The following ITCH variants were observed in gnomAD, a reference collection of about 807,000 sequenced individuals.
The protein encoded by ITCH is itchy E3 ubiquitin protein ligase, also known as E3 ubiquitin-protein ligase Itchy homolog.
Under a neutral mutation model 126.8 loss-of-function variants are expected in ITCH, and 28 were observed. The observed-to-expected ratio is 0.22, with a 90% CI of 0.16 to 0.30. ITCH has a LOEUF of 0.30. ITCH is among the 10% of genes least tolerant of loss of function. The pLI is 1.00. For missense variants in ITCH, 631 were observed against 1,032.4 expected, an observed-to-expected ratio of 0.61 and a Z score of 5.33; for synonymous variants, 342 against 340.0, an observed-to-expected ratio of 1.01 and a Z score of -0.06.
chr20:34,447,728 T>C (rs1230286397), intron 11 of ITCH, among the ~76,000 whole-genome samples: 2 of 152,238 alleles, frequency 1.3e-5, no homozygotes, highest in Non-Finnish European at 2.9e-5. Flanking sequence ...CTGGCCTCCC[T>C]GTTCTCACAT....
intron 1 of ITCH, among the ~76,000 whole-genome samples, chr20:34,368,677 T>C (rs2037508869): frequency 6.6e-6 from 1 of 152,180 alleles, no homozygotes; most frequent in South Asian, 2.1e-4. Flanking sequence ...CCTCCTCCAG[T>C]CTAGCAGTGT....
chr20:34,448,263 C>T (rs959189800), intron 11 of ITCH, among the ~76,000 whole-genome samples: 6 of 151,856 alleles, frequency 4.0e-5, no homozygotes, highest in Non-Finnish European at 8.8e-5. Flanking sequence ...CGTGGTGGCG[C>T]GTGCCTGTGA....
rs757940621 is a variant in ITCH, at chr20:34,379,594, C to CT, written c.-22+10143dup. On this transcript the variant is annotated intron_variant, in intron 2 of 24. Coordinates refer to ENST00000374864, the MANE Select transcript of ITCH (RefSeq NM_031483.7). ...AAAGTGGAGTCATACAATATTTGTC[C>CT]TTTTTTTTTTTTTTTTTTTAGACGG... is the stretch of plus-strand genomic sequence containing the variant. 4.5e-3 allele frequency among the ~76,000 whole-genome samples: 604 copies of CT among 135,508 alleles called. 5 individuals are homozygous for CT. Among genetic ancestry groups the CT allele is most frequent in the Admixed American group, 0.012 (163 of 13,296 alleles). 88.9% of individuals were successfully genotyped at this position (135,508 alleles called of 152,430 possible).
At chr20:34,419,779 C>T (rs1056430804) in intron 6 of ITCH, among the ~76,000 whole-genome samples, 5 of 152,154 alleles carry the variant, frequency 3.3e-5, no homozygotes, top group Admixed American at 1.3e-4. Context: ...CTTAGCCTCC[C>T]GAGTAGCTGG....
rs956514013 is a variant in ITCH at position 34,508,245 on chromosome 20, G to T, written c.*451G>T. ...GTGCAAGCTTACTCCTGCTTCTGGG[G>T]ATGTGAGCAAAATTCGGGCTTGTGT... On this transcript the variant is annotated 3_prime_UTR_variant, in exon 25 of 25. Transcript: ENST00000374864. The T allele has an allele frequency of 1.4e-4, 26 of 189,236 alleles. No individual in the cohort carries two copies. The highest frequency in any genetic ancestry group is 2.5e-3 in the Middle Eastern group (1 of 404). 11.7% of individuals were successfully genotyped at this position (189,236 alleles called of 1,614,324 possible). A position where few individuals can be genotyped will look rare whatever the true frequency, so the allele number is the denominator to read the frequency against.
intron 2 of ITCH, among the ~76,000 whole-genome samples, chr20:34,392,890 A>G (rs1323019889): frequency 6.6e-6 from 1 of 152,172 alleles, no homozygotes; most frequent in Non-Finnish European, 1.5e-5. Flanking sequence ...GAGGCGCTCC[A>G]GAACACCCCA....
At chr20:34,444,492 A>C (rs1488418727) in intron 10 of ITCH, among the ~76,000 whole-genome samples, 1 of 152,122 alleles carries the variant, frequency 6.6e-6, no homozygotes, top group Non-Finnish European at 1.5e-5. Flanking sequence ...CTGAGGCAGG[A>C]GAATCGCTTG....
At chr20:34,475,847 A>C in intron 16 of ITCH, 6 of 792,340 alleles carry the variant, frequency 7.6e-6, no homozygotes, top group Admixed American at 2.0e-5. Context: ...CCACTCATCC[A>C]TGTACTCATT....
At chr20:34,474,654 G>A (rs1987969006) in intron 16 of ITCH, among the ~76,000 whole-genome samples, 2 of 152,216 alleles carry the variant, frequency 1.3e-5, no homozygotes, top group Admixed American at 1.3e-4. Context: ...TTGTCATCAT[G>A]GCCCGTTCTC....
chr20:34,456,006 A>T lies in ITCH; in HGVS notation c.1211-1384A>T, dbSNP rs532196028. On this transcript the variant is annotated intron_variant, in intron 12 of 24. Transcript: ENST00000374864. ...AACTGGGTATATTAAGGAACGAGATATGTTAAGTGTATTAAGAAAGGAAGT... is the reference window on the plus strand; with the variant it reads ...AACTGGGTATATTAAGGAACGAGATTTGTTAAGTGTATTAAGAAAGGAAGT... 2.6e-5 allele frequency among the ~76,000 whole-genome samples: 4 copies of T among 151,626 alleles called. No homozygotes were observed. The East Asian group carries it at 7.8e-4, about 29-fold the overall frequency.
chr20:34,372,897 T>TA (rs926185985), intron 2 of ITCH, among the ~76,000 whole-genome samples: 3 of 152,166 alleles, frequency 2.0e-5, no homozygotes, highest in African/African-American at 7.2e-5. Context: ...TGGTAAATGT[T>TA]ACAAGAGTTT....
At chr20:34,456,204 A>T (rs1600386657) in intron 12 of ITCH, among the ~76,000 whole-genome samples, 1 of 30,928 alleles carries the variant, frequency 3.2e-5, no homozygotes, top group African/African-American at 1.6e-4. Context: ...ATATATATAT[A>T]TATATATATA....
At chr20:34,474,321 T>G (rs939498180) in intron 16 of ITCH, among the ~76,000 whole-genome samples, 5 of 152,218 alleles carry the variant, frequency 3.3e-5, no homozygotes, top group African/African-American at 1.2e-4. Flanking sequence ...CCTTCCGCAG[T>G]GTTTGTGTCC....
chr20:34,440,764 T>A (rs1020552511), intron 9 of ITCH, among the ~76,000 whole-genome samples: 1 of 152,110 alleles, frequency 6.6e-6, no homozygotes, highest in African/African-American at 2.4e-5. Context: ...TTTATGTTAT[T>A]GTAACTGATT....
intron 20 of ITCH, among the ~76,000 whole-genome samples, chr20:34,488,015 A>G (rs1989250664): frequency 1.3e-5 from 2 of 152,194 alleles, no homozygotes; most frequent in African/African-American, 2.4e-5. Context: ...TTGTTGTCAT[A>G]TATTATTTCT....
Position 34,377,733 on chromosome 20 carries a change from C to T in ITCH, c.-22+8263C>T, listed in dbSNP as rs1461721020. 3.3e-5 allele frequency among the ~76,000 whole-genome samples: 5 copies of T among 151,832 alleles called. No individual in the cohort carries two copies. In the South Asian group the frequency reaches 6.2e-4, roughly 19 times the overall value. ...ACAAAAAATTAGTTGGGCATGGTGG[C>T]GTGTGCACCTGTAGTCCCAGCTACC... On this transcript the variant is annotated intron_variant, in intron 2 of 24. Coordinates refer to ENST00000374864, the MANE Select transcript of ITCH (RefSeq NM_031483.7).
chr20:34,477,001 G>T (rs1032806366), intron 16 of ITCH, among the ~76,000 whole-genome samples: 3 of 152,116 alleles, frequency 2.0e-5, no homozygotes, highest in African/African-American at 7.2e-5. Context: ...AGTAGTTTTT[G>T]TAGGTAGTTA....
chr20:34,381,837 T>G (rs6058029), intron 2 of ITCH, among the ~76,000 whole-genome samples: 1 of 149,342 alleles, frequency 6.7e-6, no homozygotes, highest in African/African-American at 2.5e-5. Context: ...GTACCCTAGC[T>G]CTGTCAACAG....
rs557172176 is a variant in ITCH, at chr20:34,506,080, T to C, written c.2490-1615T>C. 2.6e-5 allele frequency among the ~76,000 whole-genome samples: 4 copies of C among 152,230 alleles called. No homozygotes were observed. The East Asian group carries it at 7.7e-4, about 29-fold the overall frequency. On this transcript the variant is annotated intron_variant, in intron 24 of 24. Transcript: ENST00000374864. ...ACCTATCTCCAAAAATTGTTTCTTT[T>C]GTTGAGACATGTCTCAGTCTGTCAC...
Sources: gnomAD v4.1 joint callset for allele counts (sites outside exome capture counted in the v4.1 genomes callset) on GRCh38, gnomAD v4.1.1 for gene constraint, MANE v1.5 for transcripts, NCBI Gene and HGNC (gene_info 2026-07-23, HGNC 2026-07-21) for gene names.